The following MCCC1 variants were observed in gnomAD, a reference collection of about 807,000 sequenced individuals.
The protein encoded by MCCC1 is methylcrotonoyl-CoA carboxylase subunit alpha, mitochondrial.
MCCC1 carries 64 observed loss-of-function variants against 83.8 expected under a neutral mutation model. That is an observed-to-expected ratio of 0.76 (90% CI 0.62 to 0.94). The LOEUF is 0.94. Ranked by LOEUF, MCCC1 falls within the 40% of genes least tolerant of loss-of-function variation. MCCC1 has a pLI of 0.00. For missense variants in MCCC1, 807 were observed against 904.7 expected (o/e 0.89, Z 1.39); for synonymous variants, 322 against 315.4 (o/e 1.02, Z -0.22).
chr3:183,088,164 C>A (rs1718040371), intron 3 of MCCC1, among the ~76,000 whole-genome samples: 1 of 150,346 alleles, frequency 6.7e-6, no homozygotes. Context: ...AGGGAGCACA[C>A]AAAGAGACCA....
intron 14 of MCCC1, among the ~76,000 whole-genome samples, chr3:183,031,574 T>C (rs1277643309): frequency 2.9e-5 from 4 of 136,560 alleles, no homozygotes; most frequent in African/African-American, 1.1e-4. Context: ...CTCGGCTCAC[T>C]GCAAGCTCCA....
chr3:183,114,372 G>A (rs182140240), intron 1 of MCCC1, among the ~76,000 whole-genome samples: 31 of 151,992 alleles, frequency 2.0e-4, no homozygotes, highest in South Asian at 4.2e-4. Flanking sequence ...AGCGTTAGCC[G>A]TCTCTCGGTC....
chr3:183,035,024 C>T (rs927958723), intron 13 of MCCC1, among the ~76,000 whole-genome samples: 23 of 152,110 alleles, frequency 1.5e-4, no homozygotes, highest in Admixed American at 4.6e-4. Flanking sequence ...GTGATCCACC[C>T]GCCCTGGGCC....
chr3:183,061,619 C>T (rs1430588478), intron 7 of MCCC1, among the ~76,000 whole-genome samples: 1 of 152,232 alleles, frequency 6.6e-6, no homozygotes, highest in African/African-American at 2.4e-5. Context: ...AGTGTTAGGG[C>T]TCCAGCAGGT....
chr3:183,015,906 CTTTTGTTTTTTTTT>C (rs1192198966), intron 18 of MCCC1, among the ~76,000 whole-genome samples: 1 of 147,914 alleles, frequency 6.8e-6, no homozygotes, highest in African/African-American at 2.5e-5. Flanking sequence ...TGTTTGCTTG[CTTTTGTTTTTTTTT>C]TTTTGTTTTT....
chr3:183,097,067 A>G (rs897599119), intron 1 of MCCC1, among the ~76,000 whole-genome samples: 23 of 152,240 alleles, frequency 1.5e-4, no homozygotes, highest in Admixed American at 1.5e-3. Flanking sequence ...CTTAACTGTA[A>G]TCCACTATCC....
chr3:183,034,328 C>G (rs1713350577), intron 13 of MCCC1, among the ~76,000 whole-genome samples: 2 of 151,778 alleles, frequency 1.3e-5, no homozygotes, highest in Non-Finnish European at 1.5e-5. Flanking sequence ...ACGGGCGCCT[C>G]TAGTCCCAGC....
intron 4 of MCCC1, 145 bp from the exon 5 acceptor site, chr3:183,072,632 T>C (rs1288552307): frequency 4.6e-6 from 4 of 873,796 alleles, no homozygotes; most frequent in African/African-American, 3.4e-5. Context: ...TCCAAAGAAA[T>C]ATCTGAAATA....
At chr3:183,073,741 A>G (rs1716863361) in intron 4 of MCCC1, among the ~76,000 whole-genome samples, 1 of 152,240 alleles carries the variant, frequency 6.6e-6, no homozygotes. Context: ...GAACCAAGAA[A>G]CCTCAACATA....
In MCCC1 at chr3:183,039,399, T is replaced by G. The variant is rs1324184790; in HGVS notation, c.1268-264A>C. Among the ~76,000 whole-genome samples, 6 of 152,282 alleles carry G rather than the reference T, an allele frequency of 3.9e-5. No homozygotes were observed. In the East Asian group the frequency reaches 1.2e-3, roughly 29 times the overall value. ...ACAAGCTGGCTTTCCCTGTCCTATC[T>G]TCTTCTGAATCTTCTTTTCCCTTCT... On this transcript the variant is annotated intron_variant, in intron 11 of 18. Transcript: ENST00000265594.
chr3:183,042,704 G>C (rs1410554772), intron 10 of MCCC1, among the ~76,000 whole-genome samples: 1 of 152,210 alleles, frequency 6.6e-6, no homozygotes, highest in Non-Finnish European at 1.5e-5. Flanking sequence ...AGGCTCTGCA[G>C]ACAGATTGCC....
intron 4 of MCCC1, among the ~76,000 whole-genome samples, chr3:183,075,835 C>T (rs139940101): frequency 1.4e-3 from 218 of 150,956 alleles, no homozygotes; most frequent in African/African-American, 4.9e-3. Flanking sequence ...CCACTGTGCC[C>T]GGCTGTCCTT....
intron 7 of MCCC1, among the ~76,000 whole-genome samples, chr3:183,059,543 AAATATTCCTATGTT>A (rs1715672924): frequency 6.6e-6 from 1 of 152,206 alleles, no homozygotes; most frequent in South Asian, 2.1e-4. Flanking sequence ...CAAAATAGGA[AAATATTCCTATGTT>A]AGGATAGGAA....
chr3:183,114,086 T>A (rs983017586), intron 1 of MCCC1, among the ~76,000 whole-genome samples: 2 of 152,136 alleles, frequency 1.3e-5, no homozygotes, highest in African/African-American at 4.8e-5. Flanking sequence ...TCCCAGCACA[T>A]CCAAGAATGC....
At chr3:183,076,494 T>C (rs1717084642) in intron 4 of MCCC1, among the ~76,000 whole-genome samples, 2 of 152,230 alleles carry the variant, frequency 1.3e-5, no homozygotes, top group South Asian at 4.1e-4. Context: ...GACAAGTCTG[T>C]GTGAACATAT....
At position 183,043,473 on chromosome 3, in the gene MCCC1, A is replaced by T. The variant is rs1714283940; in HGVS notation, c.1084-1723T>A. 2.0e-5 allele frequency among the ~76,000 whole-genome samples: 3 copies of T among 152,342 alleles called. No homozygotes were observed. In the South Asian group the frequency reaches 6.2e-4, roughly 32 times the overall value. On this transcript the variant is annotated intron_variant, in intron 10 of 18. Coordinates refer to ENST00000265594, the MANE Select transcript of MCCC1 (RefSeq NM_020166.5). ...TTGACATTTTCACCAGCTTTCCCTG[A>T]ACACTGTTAACTATCTGTATCTGCA... is the stretch of plus-strand genomic sequence containing the variant.
At chr3:183,061,053 A>G (rs567925068) in intron 7 of MCCC1, among the ~76,000 whole-genome samples, 1 of 152,222 alleles carries the variant, frequency 6.6e-6, no homozygotes, top group South Asian at 2.1e-4. Flanking sequence ...GGACCTAATA[A>G]CCTGCCAAAG....
chr3:183,023,731 C>T (rs954811262), intron 15 of MCCC1, among the ~76,000 whole-genome samples: 1 of 152,120 alleles, frequency 6.6e-6, no homozygotes, highest in African/African-American at 2.4e-5. Flanking sequence ...TCTCTTAGCT[C>T]ATATTAAAAA....
intron 1 of MCCC1, among the ~76,000 whole-genome samples, chr3:183,111,800 C>G (rs1266855049): frequency 1.3e-5 from 2 of 151,904 alleles, no homozygotes; most frequent in Non-Finnish European, 2.9e-5. Context: ...AAATTTGAAC[C>G]TGTGCCTCAG....
Sources: gnomAD v4.1 joint callset for allele counts (sites outside exome capture counted in the v4.1 genomes callset) on GRCh38, gnomAD v4.1.1 for gene constraint, MANE v1.5 for transcripts, NCBI Gene and HGNC (gene_info 2026-07-23, HGNC 2026-07-21) for gene names.